The following PAPOLB variants were observed in gnomAD, a reference collection of about 807,000 sequenced individuals.
PAPOLB encodes the protein poly(A) polymerase beta.
Under a neutral mutation model 23.2 loss-of-function variants are expected in PAPOLB, and 19 were observed. The observed-to-expected ratio is 0.82, with a 90% CI of 0.57 to 1.20. The LOEUF (loss-of-function observed/expected upper bound fraction) is 1.20, where lower values mean the gene tolerates loss of function less well. Ranked by LOEUF, PAPOLB falls within the 50% of genes most tolerant of loss-of-function variation. PAPOLB has a pLI of 0.00. For synonymous variants in PAPOLB, 360 were observed against 290.7 expected, an observed-to-expected ratio of 1.24 and a Z score of -2.43; for missense variants, 822 against 776.8, an observed-to-expected ratio of 1.06 and a Z score of -0.69.
chr7:4,861,804 G>GGTTGT lies in PAPOLB; in HGVS notation c.6_7insACAAC (p.Pro3ThrfsTer6). Reference sequence around the variant, plus strand: ...GGTCCCTGGGTTGTCACCGGAAACGGCATCATCTTTCAGCGCCCGCCCCGC... The same window carrying GGTTGT: ...GGTCCCTGGGTTGTCACCGGAAACGGGTTGTCATCATCTTTCAGCGCCCGCCCCGC... On this transcript the variant is annotated frameshift_variant, in exon 1 of 1. Coordinates refer to ENST00000404991, the MANE Select transcript of PAPOLB (RefSeq NM_020144.5). LOFTEE classifies it high-confidence loss of function. 6.9e-7 allele frequency: 1 copy of GGTTGT among 1,452,420 alleles called. No individual in the cohort carries two copies. The highest frequency in any genetic ancestry group is 1.6e-5 in the South Asian group (1 of 63,492). The allele number at this position is 1,452,420 out of a possible 1,614,324, so 90.0% of individuals were successfully genotyped here.
In PAPOLB at chr7:4,860,042, A is replaced by C. The variant is rs1211676952; in HGVS notation, c.1769T>G (p.Leu590Ter). 5.6e-6 allele frequency: 9 copies of C among 1,614,030 alleles called. 1 individual carries two copies. In the South Asian group the frequency reaches 9.9e-5, roughly 18 times the overall value. The change falls in exon 1 of 1, where the codon TTA (leucine) becomes TGA (stop). Residue 590 changes from leucine to a stop codon, truncating the protein, a stop_gained. Transcript: ENST00000404991. LOFTEE classifies it low-confidence loss of function (END_TRUNC). ...VNTNESSGVA[L>*]NESIPHAVSQ... ...GACAGCGTGAGGAATACTTTCGTTT[A>C]ATGCAACCCCTGAACTTTCATTGGT... is the stretch of plus-strand genomic sequence containing the variant.
At position 4,859,964 on chromosome 7, in the gene PAPOLB, G is replaced by T. The variant is rs1783934948; in HGVS notation, c.1847C>A (p.Ser616Tyr). 6.2e-7 allele frequency: 1 copy of T among 1,613,998 alleles called. No individual in the cohort carries two copies. The highest frequency in any genetic ancestry group is 8.5e-7 in the Non-Finnish European group (1 of 1,179,882). Residue 616 changes from serine to tyrosine, a missense_variant, in exon 1 of 1, where the codon TCT becomes TAT. Physicochemically the swap from Ser to Tyr is moderately radical, Grantham distance 144 (BLOSUM62 -2). This residue lies in a region of PAPOLB where 534 missense variants were observed against 502.8 expected (regional missense o/e 1.06). Coordinates refer to ENST00000404991, the MANE Select transcript of PAPOLB (RefSeq NM_020144.5). ...SPKAMVARVV[S>Y]STCLISHPDL... is the part of the protein sequence containing the mutation. The stretch of plus-strand genomic sequence containing the variant: ...TGGATGGCTTATGAGACATGTTGAA[G>T]AAACAACTCTGGCGACCATGGCCTT...
In PAPOLB at chr7:4,861,831, A is replaced by ACCACC; in HGVS notation, c.-22_-21insGGTGG. ...ATCATCTTTCAGCGCCCGCCCCGCC[A>ACCACC]GGGCACGTCCCCCACCACCGCGACC... On this transcript the variant is annotated 5_prime_UTR_variant, in exon 1 of 1. The change abolishes the stop of an existing upstream ORF in the 5' untranslated region. Coordinates refer to ENST00000404991, the MANE Select transcript of PAPOLB (RefSeq NM_020144.5). 2.4e-6 allele frequency: 3 copies of ACCACC among 1,262,570 alleles called. No homozygotes were observed. The highest frequency in any genetic ancestry group is 2.0e-6 in the Non-Finnish European group (2 of 997,710). 78.2% of individuals were successfully genotyped at this position (1,262,570 alleles called of 1,614,324 possible).
chr7:4,859,740 G>C lies in PAPOLB; in HGVS notation c.*157C>G, dbSNP rs1783926774. 2 of 614,030 alleles carry C rather than the reference G, an allele frequency of 3.3e-6. No homozygotes were observed. Among genetic ancestry groups the C allele is most frequent in the East Asian group, 5.5e-5 (2 of 36,630 alleles). The allele number at this position is 614,030 out of a possible 1,614,324, so 38.0% of individuals were successfully genotyped here. On this transcript the variant is annotated 3_prime_UTR_variant, in exon 1 of 1. Transcript: ENST00000404991. Reference sequence around the variant, plus strand: ...GCAGGGAGAACAGGGATACCGGAAAGATCTATACTGATGTTCCCTGAGAGG... The same window carrying C: ...GCAGGGAGAACAGGGATACCGGAAACATCTATACTGATGTTCCCTGAGAGG...
In PAPOLB at chr7:4,861,652, G is replaced by C. The variant is rs368004972; in HGVS notation, c.159C>G (p.Phe53Leu). The stretch of plus-strand genomic sequence containing the variant: ...TGCGCTGCAGTTCCTCTTCCTCTTC[G>C]AAGACCCCGAAGGGCCTGAGGGTTT... ...LIETLRPFGV[F>L]EEEEELQRRI... is the part of the protein sequence containing the mutation. Residue 53 changes from phenylalanine to leucine, a missense_variant, in exon 1 of 1, where the codon TTC becomes TTG. Phe to Leu is a conservative substitution (Grantham distance 22, BLOSUM62 0). Around this residue, in one of 3 missense-constraint regions of PAPOLB, gnomAD observed 276 missense variants for 243.9 expected, o/e 1.13. Transcript: ENST00000404991. The C allele has an allele frequency of 8.2e-5, 132 of 1,605,026 alleles. No homozygotes were observed. Among genetic ancestry groups the C allele is most frequent in the Non-Finnish European group, 1.0e-4 (120 of 1,175,926 alleles).
Position 4,860,357 on chromosome 7 carries a change from G to A in PAPOLB, c.1454C>T (p.Thr485Ile). The change falls in exon 1 of 1, where the codon ACT becomes ATT. Residue 485 changes from threonine (T) to isoleucine (I), a missense_variant. Physicochemically the swap from Thr to Ile is moderately conservative, Grantham distance 89. Coordinates refer to ENST00000404991, the MANE Select transcript of PAPOLB (RefSeq NM_020144.5). ...TTCCTTTCTTCTTAAATGCATTGCA[G>A]TAATTTTCATACCCATCTCAAACAT... Reference protein sequence around the residue: ...SKMFEMGMKITAMHLRRKELH... With the variant: ...SKMFEMGMKIIAMHLRRKELH... 1 of 1,613,978 alleles carries A rather than the reference G, an allele frequency of 6.2e-7. No homozygotes were observed. Among genetic ancestry groups the A allele is most frequent in the Non-Finnish European group, 8.5e-7 (1 of 1,179,876 alleles).
In PAPOLB at chr7:4,861,118, C is replaced by A; in HGVS notation, c.693G>T (p.Trp231Cys). The A allele has an allele frequency of 6.2e-7, 1 of 1,614,156 alleles. No individual in the cohort carries two copies. Among genetic ancestry groups the A allele is most frequent in the Non-Finnish European group, 8.5e-7 (1 of 1,180,024 alleles). Reference sequence around the variant, plus strand: ...TGGAATAGATATTGTGGCACTTGGCCCACAGTTTGATGGCTCTCAGAGTCA... The same window carrying A: ...TGGAATAGATATTGTGGCACTTGGCACACAGTTTGATGGCTCTCAGAGTCA... The part of the protein sequence containing the change: ...FRLTLRAIKL[W>C]AKCHNIYSNI... Residue 231 changes from tryptophan to cysteine, a missense_variant, in exon 1 of 1, where the codon TGG (tryptophan) becomes TGT (cysteine). By Grantham distance (215) the Trp-to-Cys change is radical. Coordinates refer to ENST00000404991, the MANE Select transcript of PAPOLB (RefSeq NM_020144.5).
At position 4,860,358 on chromosome 7, in the gene PAPOLB, T is replaced by C; in HGVS notation, c.1453A>G (p.Thr485Ala). The change falls in exon 1 of 1, where the codon ACT (threonine) becomes GCT (alanine). Residue 485 changes from threonine to alanine, a missense_variant. Coordinates refer to ENST00000404991, the MANE Select transcript of PAPOLB (RefSeq NM_020144.5). Reference protein sequence around the residue: ...SKMFEMGMKITAMHLRRKELH... With the variant: ...SKMFEMGMKIAAMHLRRKELH... ...TCCTTTCTTCTTAAATGCATTGCAG[T>C]AATTTTCATACCCATCTCAAACATC... 1.2e-6 allele frequency: 2 copies of C among 1,613,986 alleles called. No individual in the cohort carries two copies. Among genetic ancestry groups the C allele is most frequent in the Non-Finnish European group, 8.5e-7 (1 of 1,179,848 alleles).
Position 4,861,899 on chromosome 7 carries a change from G to A in PAPOLB, c.-89C>T. 1 of 936,042 alleles carries A rather than the reference G, an allele frequency of 1.1e-6. No homozygotes were observed. Among genetic ancestry groups the A allele is most frequent in the Non-Finnish European group, 1.5e-6 (1 of 666,062 alleles). The allele number at this position is 936,042 out of a possible 1,614,324, so 58.0% of individuals were successfully genotyped here. ...GGTCATGATCCGCTGAGGCGGAAGGGCAGGGCTTCTAGCTGCCCTGGTCCG... is the reference window on the plus strand; with the variant it reads ...GGTCATGATCCGCTGAGGCGGAAGGACAGGGCTTCTAGCTGCCCTGGTCCG... On this transcript the variant is annotated 5_prime_UTR_variant, in exon 1 of 1. Transcript: ENST00000404991.
In PAPOLB at chr7:4,859,002, T is replaced by C. The variant is rs1432730748; in HGVS notation, c.*895A>G. Reference sequence around the variant, plus strand: ...ATTGCTAATTACTCTAAAACAGTTCTACAGATTAAAACCAGTGTGTCCTTT... The same window carrying C: ...ATTGCTAATTACTCTAAAACAGTTCCACAGATTAAAACCAGTGTGTCCTTT... On this transcript the variant is annotated 3_prime_UTR_variant, in exon 1 of 1. Transcript: ENST00000404991. 6.6e-6 allele frequency: 1 copy of C among 152,228 alleles called. No homozygotes were observed. The highest frequency in any genetic ancestry group is 1.9e-4 in the East Asian group (1 of 5,204). 9.4% of individuals were successfully genotyped at this position (152,228 alleles called of 1,614,324 possible).
At position 4,859,954 on chromosome 7, in the gene PAPOLB, A is replaced by T. The variant is rs1335231558; in HGVS notation, c.1857T>A (p.Cys619Ter). The change falls in exon 1 of 1, where the codon TGT becomes TGA. Residue 619 changes from cysteine to a stop codon, truncating the protein, a stop_gained. Coordinates refer to ENST00000404991, the MANE Select transcript of PAPOLB (RefSeq NM_020144.5). LOFTEE classifies it high-confidence loss of function. ...AMVARVVSST[C>*]LISHPDLQET... ...CCTGAAGGTCTGGATGGCTTATGAG[A>T]CATGTTGAAGAAACAACTCTGGCGA... is the stretch of plus-strand genomic sequence containing the variant. The T allele has an allele frequency of 6.2e-7, 1 of 1,613,900 alleles. No individual in the cohort carries two copies. The highest frequency in any genetic ancestry group is 1.3e-5 in the African/African-American group (1 of 74,936).
Position 4,861,728 on chromosome 7 carries a change from C to T in PAPOLB, c.83G>A (p.Ser28Asn). ...GTCCGTCTCCTTGGGGACCGCTAGA[C>T]TGATAGGCGAGGAGACGCCGTAGCG... ...PNRYGVSSPI[S>N]LAVPKETDCL... The change falls in exon 1 of 1, where the codon AGT becomes AAT. Residue 28 changes from serine to asparagine, a missense_variant. Ser to Asn is a conservative substitution (Grantham distance 46, BLOSUM62 1). Transcript: ENST00000404991. 6.5e-7 allele frequency: 1 copy of T among 1,534,104 alleles called. No homozygotes were observed.
In PAPOLB at chr7:4,860,164, A is replaced by G; in HGVS notation, c.1647T>C (p.Ile549=). 1 of 1,614,006 alleles carries G rather than the reference A, an allele frequency of 6.2e-7. No homozygotes were observed. The highest frequency in any genetic ancestry group is 1.3e-5 in the African/African-American group (1 of 75,054). ...GACTGTTTCTACCCTGAGAACTGCT[A>G]ATCAATGGGCCTGTCTTCATAGTGC... is the stretch of plus-strand genomic sequence containing the variant. ...STSTMKTGPL[I]SSSQGRNSPA... Residue 549 remains isoleucine, a synonymous_variant, in exon 1 of 1, where the codon ATT becomes ATC. Transcript: ENST00000404991.
In PAPOLB at chr7:4,861,951, C is replaced by T. The variant is rs1029219292; in HGVS notation, c.-141G>A. The T allele has an allele frequency of 4.1e-6, 2 of 493,814 alleles. No individual in the cohort carries two copies. The allele number at this position is 493,814 out of a possible 1,614,324, so 30.6% of individuals were successfully genotyped here. A position where few individuals can be genotyped will look rare whatever the true frequency, so the allele number is the denominator to read the frequency against. ...CCCCACTCCCACTCCCGCTGCGCGC[C>T]CGCCGCTTCAGGAGCTTCTCCTCCT... is the stretch of plus-strand genomic sequence containing the variant. On this transcript the variant is annotated 5_prime_UTR_variant, in exon 1 of 1. Transcript: ENST00000404991.
At position 4,859,472 on chromosome 7, in the gene PAPOLB, A is replaced by C. The variant is rs1224634401; in HGVS notation, c.*425T>G. 1 of 165,520 alleles carries C rather than the reference A, an allele frequency of 6.0e-6. No individual in the cohort carries two copies. The highest frequency in any genetic ancestry group is 1.3e-5 in the Non-Finnish European group (1 of 76,010). 10.3% of individuals were successfully genotyped at this position (165,520 alleles called of 1,614,324 possible). ...TTAATGTAACTGTTGCTGATACATT[A>C]ATAACAGTACCTCTAGCTGTCACAT... On this transcript the variant is annotated 3_prime_UTR_variant, in exon 1 of 1. Coordinates refer to ENST00000404991, the MANE Select transcript of PAPOLB (RefSeq NM_020144.5).
chr7:4,859,873 G>A lies in PAPOLB; in HGVS notation c.*24C>T, dbSNP rs1583314239. The stretch of plus-strand genomic sequence containing the variant: ...TTCTTGGTCCTTTCTTCTTTATGAG[G>A]CAAGAATATCCTCTAGACTCCAACT... On this transcript the variant is annotated 3_prime_UTR_variant, in exon 1 of 1. Transcript: ENST00000404991. 4.7e-6 allele frequency: 7 copies of A among 1,478,756 alleles called. No individual in the cohort carries two copies. Among genetic ancestry groups the A allele is most frequent in the Non-Finnish European group, 6.5e-6 (7 of 1,074,092 alleles). The allele number at this position is 1,478,756 out of a possible 1,614,324, so 91.6% of individuals were successfully genotyped here. A position where few individuals can be genotyped will look rare whatever the true frequency, so the allele number is the denominator to read the frequency against.
rs778465552 is a variant in PAPOLB, at chr7:4,861,143, A to T, written c.668T>A (p.Leu223Gln). The T allele has an allele frequency of 6.2e-7, 1 of 1,614,276 alleles. No homozygotes were observed. The highest frequency in any genetic ancestry group is 1.7e-5 in the Admixed American group (1 of 60,032). ...CCACAGTTTGATGGCTCTCAGAGTCAGCCTGAAGTTGTCAATGTTTGGCAC... is the reference window on the plus strand; with the variant it reads ...CCACAGTTTGATGGCTCTCAGAGTCTGCCTGAAGTTGTCAATGTTTGGCAC... ...HLVPNIDNFRLTLRAIKLWAK... is the reference protein window; with the variant it reads ...HLVPNIDNFRQTLRAIKLWAK... The change falls in exon 1 of 1, where the codon CTG (leucine) becomes CAG (glutamine). Residue 223 changes from leucine to glutamine, a missense_variant. By Grantham distance (113) the Leu-to-Gln change is moderately radical. Transcript: ENST00000404991.
rs1783970676 is a variant in PAPOLB at position 4,860,823 on chromosome 7, C to T, written c.988G>A (p.Val330Met). The T allele has an allele frequency of 5.0e-6, 8 of 1,614,064 alleles. No individual in the cohort carries two copies. Among genetic ancestry groups the T allele is most frequent in the Non-Finnish European group, 6.8e-6 (8 of 1,180,010 alleles). The stretch of plus-strand genomic sequence containing the variant: ...ATGACCATCCTGGTTGAAATAGACA[C>T]GTTGTATGTGGAGTTCTGCTGTGGG... ...AYPQQNSTYNVSISTRMVMIE... is the reference protein window; with the variant it reads ...AYPQQNSTYNMSISTRMVMIE... The change falls in exon 1 of 1, where the codon GTG (valine) becomes ATG (methionine). Residue 330 changes from valine (V) to methionine (M), a missense_variant. By Grantham distance (21) the Val-to-Met change is conservative. This residue lies in a region of PAPOLB where 534 missense variants were observed against 502.8 expected (regional missense o/e 1.06). Coordinates refer to ENST00000404991, the MANE Select transcript of PAPOLB (RefSeq NM_020144.5).
At position 4,860,053 on chromosome 7, in the gene PAPOLB, T is replaced by G. The variant is rs370627731; in HGVS notation, c.1758A>C (p.Ser586=). ...SLQQVNTNES[S]GVALNESIPH... ...GAATACTTTCGTTTAATGCAACCCC[T>G]GAACTTTCATTGGTATTCACCTGTT... Residue 586 remains serine (S), a synonymous_variant, in exon 1 of 1, where the codon TCA becomes TCC. Transcript: ENST00000404991. 3 of 1,613,950 alleles carry G rather than the reference T, an allele frequency of 1.9e-6. No homozygotes were observed. The highest frequency in any genetic ancestry group is 2.5e-6 in the Non-Finnish European group (3 of 1,179,900).
Sources: gnomAD v4.1 joint callset for allele counts on GRCh38, gnomAD v4.1.1 for gene constraint, gnomAD v4.1.1 regional missense constraint, MANE v1.5 for transcripts, NCBI Gene and HGNC (gene_info 2026-07-23, HGNC 2026-07-21) for gene names.